Variants in ABL1 observed in about 807,000 individuals in gnomAD.
The protein encoded by ABL1 is tyrosine-protein kinase ABL1.
In ABL1, 11 loss-of-function variants were observed where a neutral mutation model predicts 94.7. The observed-to-expected ratio is 0.12, with a 90% CI of 0.07 to 0.19. ABL1 has a LOEUF of 0.19. Among genes scored for constraint, ABL1 ranks in the 10% least tolerant of loss-of-function variants. The pLI, the probability that ABL1 is intolerant of heterozygous loss-of-function variation, is 1.00. For missense variants in ABL1, 1,082 were observed against 1,489.4 expected, an observed-to-expected ratio of 0.73 and a Z score of 4.50; for synonymous variants, 656 against 622.4, an observed-to-expected ratio of 1.05 and a Z score of -0.80.
At chr9:130,754,192 G>A (rs1323859619) in intron 1 of ABL1, among the ~76,000 whole-genome samples, 1 of 143,238 alleles carries the variant, frequency 7.0e-6, no homozygotes, top group Admixed American at 7.0e-5. Flanking sequence ...GGCAACAAGA[G>A]TGGGACTCTG....
chr9:130,865,405 A>G (rs905603589), intron 4 of ABL1, among the ~76,000 whole-genome samples: 4 of 152,266 alleles, frequency 2.6e-5, no homozygotes, highest in East Asian at 3.9e-4. Context: ...TATGTTGCCT[A>G]TTTGTCAAAT....
rs2133004418 is a variant in ABL1 at position 130,875,189 on chromosome 9, T to G, written c.1270+137T>G. 1.8e-5 allele frequency: 17 copies of G among 932,672 alleles called. No individual in the cohort carries two copies. The South Asian group carries it at 3.1e-4, about 17-fold the overall frequency. 57.8% of individuals were successfully genotyped at this position (932,672 alleles called of 1,614,324 possible). The stretch of plus-strand genomic sequence containing the variant: ...CGGAGTCTCACTCTGTCACCCAGGC[T>G]GGAGTGCAGTGGTGCAATCTTGGCT... On this transcript the variant is annotated intron_variant, in intron 7 of 10. Coordinates refer to ENST00000318560, the MANE Select transcript of ABL1 (RefSeq NM_005157.6).
intron 1 of ABL1, among the ~76,000 whole-genome samples, chr9:130,728,559 T>A (rs1395504064): frequency 6.6e-6 from 1 of 151,594 alleles, no homozygotes; most frequent in East Asian, 1.9e-4. Flanking sequence ...CTAATTTTTT[T>A]GTATGTTTTT....
intron 1 of ABL1, among the ~76,000 whole-genome samples, chr9:130,742,162 T>C (rs1831828438): frequency 6.6e-6 from 1 of 152,080 alleles, no homozygotes; most frequent in Non-Finnish European, 1.5e-5. Context: ...ACTCAAAGGA[T>C]GGCTGTCTGT....
intron 1 of ABL1, among the ~76,000 whole-genome samples, chr9:130,807,177 A>C (rs918127952): frequency 3.3e-5 from 5 of 152,216 alleles, no homozygotes. Context: ...TTTATATTTC[A>C]TACCTGCATG....
rs1054633168 is a variant in ABL1, at chr9:130,878,332, G to C, written c.1271-83G>C. 4.6e-6 allele frequency: 7 copies of C among 1,521,566 alleles called. No homozygotes were observed. The Admixed American group carries it at 6.9e-5, about 15-fold the overall frequency. The allele number at this position is 1,521,566 out of a possible 1,614,324, so 94.3% of individuals were successfully genotyped here. On this transcript the variant is annotated intron_variant, in intron 7 of 10. Transcript: ENST00000318560. ...GCTGGGGCCATCCCTTCTGAGGTCT[G>C]CTGCAAAGGTAACTGATTTTAAATG...
At position 130,739,014 on chromosome 9, in the gene ABL1, C is replaced by T. The variant is rs117013965; in HGVS notation, c.136+24559C>T. Among the ~76,000 whole-genome samples the T allele has an allele frequency of 0.016, 2,433 of 152,218 alleles. 169 individuals carry two copies. The East Asian group carries it at 0.23, about 14-fold the overall frequency. The stretch of plus-strand genomic sequence containing the variant: ...TCTCCTGTCTCAGCCTCCAGAGTAG[C>T]GGGGAGCCACCCGCTACAGGCGCGT... On this transcript the variant is annotated intron_variant, in intron 1 of 10. Transcript: ENST00000372348.
chr9:130,768,635 G>A (rs1295768997), intron 1 of ABL1, among the ~76,000 whole-genome samples: 1 of 152,212 alleles, frequency 6.6e-6, no homozygotes, highest in Non-Finnish European at 1.5e-5. Context: ...GTCTGACCCT[G>A]TCTGCTGTCG....
chr9:130,747,906 G>T (rs1339267062), intron 1 of ABL1, among the ~76,000 whole-genome samples: 1 of 152,116 alleles, frequency 6.6e-6, no homozygotes, highest in African/African-American at 2.4e-5. Context: ...ACTACACTTG[G>T]CTAAAGACCT....
At position 130,885,220 on chromosome 9, in the gene ABL1, G is replaced by A. The variant is rs587778015; in HGVS notation, c.2930G>A (p.Ser977Asn). 8 of 1,613,588 alleles carry A rather than the reference G, an allele frequency of 5.0e-6. No homozygotes were observed. In the East Asian group the frequency reaches 1.1e-4, roughly 22 times the overall value. The change falls in exon 11 of 11, where the codon AGC becomes AAC. Residue 977 changes from serine to asparagine, a missense_variant. Ser to Asn is a conservative substitution (Grantham distance 46). This residue lies in a region of ABL1 where 780 missense variants were observed against 835.8 expected (regional missense o/e 0.93). Coordinates refer to ENST00000318560, the MANE Select transcript of ABL1 (RefSeq NM_005157.6). ...GCCAAGCCGTCGGGGACCCCCATCAGCCCAGCCCCCGTTCCCTCCACGTTG... is the reference window on the plus strand; with the variant it reads ...GCCAAGCCGTCGGGGACCCCCATCAACCCAGCCCCCGTTCCCTCCACGTTG... ...QSAKPSGTPISPAPVPSTLPS... is the reference protein window; with the variant it reads ...QSAKPSGTPINPAPVPSTLPS...
chr9:130,846,517 C>T (rs899033551), intron 1 of ABL1, among the ~76,000 whole-genome samples: 14 of 152,214 alleles, frequency 9.2e-5, no homozygotes, highest in African/African-American at 3.4e-4. Flanking sequence ...CATGCTCCAT[C>T]CTCCTGTCCC....
chr9:130,809,813 G>A (rs1344209883), intron 1 of ABL1, among the ~76,000 whole-genome samples: 3 of 152,192 alleles, frequency 2.0e-5, no homozygotes, highest in Non-Finnish European at 4.4e-5. Context: ...ATCTGAGCAC[G>A]TATGGCCCAG....
At chr9:130,882,857 A>G (rs1037304283) in intron 10 of ABL1, among the ~76,000 whole-genome samples, 4 of 152,090 alleles carry the variant, frequency 2.6e-5, no homozygotes, top group Non-Finnish European at 4.4e-5. Flanking sequence ...CTTATGAGCT[A>G]TGATTCATAT....
intron 1 of ABL1, among the ~76,000 whole-genome samples, chr9:130,716,831 A>G (rs1293836308): frequency 6.6e-6 from 1 of 151,726 alleles, no homozygotes; most frequent in Non-Finnish European, 1.5e-5. Context: ...GCTCACTGCA[A>G]CCTCTGCCTC....
chr9:130,742,101 G>A (rs1209879812), intron 1 of ABL1, among the ~76,000 whole-genome samples: 2 of 151,992 alleles, frequency 1.3e-5, no homozygotes, highest in South Asian at 2.1e-4. Context: ...AGGCTCAGTC[G>A]TCAGCCCACC....
At chr9:130,793,382 G>A (rs933139959) in intron 1 of ABL1, among the ~76,000 whole-genome samples, 2 of 151,880 alleles carry the variant, frequency 1.3e-5, no homozygotes, top group African/African-American at 4.8e-5. Flanking sequence ...CCTTTCTTCC[G>A]CATACATATT....
At chr9:130,733,548 T>C (rs1178071833) in intron 1 of ABL1, among the ~76,000 whole-genome samples, 2 of 150,264 alleles carry the variant, frequency 1.3e-5, no homozygotes, top group Non-Finnish European at 2.9e-5. Flanking sequence ...AGTACAGGCG[T>C]GCACCACTGC....
At chr9:130,729,437 C>T (rs557770750) in intron 1 of ABL1, among the ~76,000 whole-genome samples, 1 of 152,334 alleles carries the variant, frequency 6.6e-6, no homozygotes, top group African/African-American at 2.4e-5. Flanking sequence ...GCCTCAGCAT[C>T]CTCAAATCCA....
At chr9:130,769,955 A>G (rs1217280791) in intron 1 of ABL1, among the ~76,000 whole-genome samples, 1 of 152,126 alleles carries the variant, frequency 6.6e-6, no homozygotes, top group Non-Finnish European at 1.5e-5. Context: ...AAGCCTTTGA[A>G]TCTGGCTTCT....
Sources: gnomAD v4.1 joint callset for allele counts (sites outside exome capture counted in the v4.1 genomes callset) on GRCh38, gnomAD v4.1.1 for gene constraint, gnomAD v4.1.1 regional missense constraint, MANE v1.5 for transcripts, NCBI Gene and HGNC (gene_info 2026-07-23, HGNC 2026-07-21) for gene names.